CNR1: variants seen among roughly 807,000 people sequenced by gnomAD.
The protein encoded by CNR1 is cannabinoid receptor 1, also known as cannabinoid receptor 1 (brain).
CNR1 carries 10 observed loss-of-function variants against 23.0 expected under a neutral mutation model. That is an observed-to-expected ratio of 0.43 (90% CI 0.27 to 0.74). CNR1 has a LOEUF of 0.74. CNR1 is among the 30% of genes least tolerant of loss of function. The pLI, the probability that CNR1 is intolerant of heterozygous loss-of-function variation, is 0.19. For synonymous variants in CNR1, 271 were observed against 255.2 expected, an observed-to-expected ratio of 1.06 and a Z score of -0.59; for missense variants, 422 against 618.8, an observed-to-expected ratio of 0.68 and a Z score of 3.37.
chr6:88,165,214 C>A (rs1471051633), intron 1 of CNR1, among the ~76,000 whole-genome samples: 1 of 152,092 alleles, frequency 6.6e-6, no homozygotes, highest in South Asian at 2.1e-4. Context: ...GATTTGTAAG[C>A]CTTAACAAGA....
rs1046000210 is a variant in CNR1, at chr6:88,164,269, C to A, written c.-64+1534G>T. ...ACTTGATACATACCTCAGCCAAGAG[C>A]GCTCCTCGCCTGGAGTGGGAGACAT... On this transcript the variant is annotated intron_variant, in intron 1 of 1. Coordinates refer to ENST00000369501, the MANE Select transcript of CNR1 (RefSeq NM_016083.6). 9 of 152,364 alleles carry A rather than the reference C, an allele frequency of 5.9e-5. No individual in the cohort carries two copies. In the East Asian group the frequency reaches 1.5e-3, roughly 25 times the overall value. 9.4% of individuals were successfully genotyped at this position (152,364 alleles called of 1,614,324 possible). A position where few individuals can be genotyped will look rare whatever the true frequency, so the allele number is the denominator to read the frequency against.
At chr6:88,162,539 A>T (rs567440734) in intron 1 of CNR1, among the ~76,000 whole-genome samples, 1 of 152,352 alleles carries the variant, frequency 6.6e-6, no homozygotes, top group South Asian at 2.1e-4. Flanking sequence ...ATTCAGTGGC[A>T]AAAAGTTGAA....
chr6:88,157,723 C>G (rs540921727), intron 1 of CNR1, among the ~76,000 whole-genome samples: 1 of 152,258 alleles, frequency 6.6e-6, no homozygotes, highest in East Asian at 1.9e-4. Context: ...ATAACCAACT[C>G]ATTCTATTTT....
At chr6:88,159,949 A>T (rs575475463) in intron 1 of CNR1, among the ~76,000 whole-genome samples, 3 of 152,350 alleles carry the variant, frequency 2.0e-5, no homozygotes, top group Admixed American at 6.5e-5. Context: ...TTAAAAGCAA[A>T]CACAAGTGAC....
At chr6:88,155,033 C>T (rs962174633) in intron 1 of CNR1, among the ~76,000 whole-genome samples, 1 of 152,314 alleles carries the variant, frequency 6.6e-6, no homozygotes, top group Admixed American at 6.5e-5. Context: ...ATATATTATT[C>T]TGGTCCACAA....
chr6:88,142,603 A>G lies in CNR1; in HGVS notation c.*1253T>C, dbSNP rs1052791026. On this transcript the variant is annotated 3_prime_UTR_variant, in exon 2 of 2. Transcript: ENST00000369501. ...AGGAGGGATGGGGTGAAATTTTTGA[A>G]TGGTTGGAGTCAGTATTTTTATCAA... 1.3e-5 allele frequency: 2 copies of G among 152,378 alleles called. No homozygotes were observed. The highest frequency in any genetic ancestry group is 4.8e-5 in the African/African-American group (2 of 41,442). The allele number at this position is 152,378 out of a possible 1,614,324, so 9.4% of individuals were successfully genotyped here.
chr6:88,156,141 G>A (rs191894553), intron 1 of CNR1, among the ~76,000 whole-genome samples: 1 of 152,222 alleles, frequency 6.6e-6, no homozygotes, highest in Admixed American at 6.5e-5. Flanking sequence ...TTATATAAAC[G>A]TTGTACCATT....
chr6:88,153,952 C>T (rs534051804), intron 1 of CNR1, among the ~76,000 whole-genome samples: 1 of 152,338 alleles, frequency 6.6e-6, no homozygotes, highest in South Asian at 2.1e-4. Context: ...ACTTTTCCCT[C>T]ATCTTCTACA....
chr6:88,152,214 CAA>C lies in CNR1; in HGVS notation c.-63-6879_-63-6878del, dbSNP rs56141409. On this transcript the variant is annotated intron_variant, in intron 1 of 1. Transcript: ENST00000369501. ...TGGGCGACAGAGCGAGACTCCGTCT[CAA>C]AAAAAAAAAAAAAAAAAAAAGAAAT... is the stretch of plus-strand genomic sequence containing the variant. Among the ~76,000 whole-genome samples, 238 of 81,498 alleles carry C rather than the reference CAA, an allele frequency of 2.9e-3. 1 individual carries two copies. Among genetic ancestry groups the C allele is most frequent in the African/African-American group, 5.7e-3 (147 of 25,868 alleles). 53.5% of individuals were successfully genotyped at this position (81,498 alleles called of 152,430 possible).
chr6:88,144,666 G>A lies in CNR1; in HGVS notation c.609C>T (p.Ser203=), dbSNP rs976211578. 4.3e-6 allele frequency: 7 copies of A among 1,614,200 alleles called. No homozygotes were observed. Among genetic ancestry groups the A allele is most frequent in the African/African-American group, 4.0e-5 (3 of 75,070 alleles). The part of the protein sequence containing the change: ...LGGVTASFTA[S]VGSLFLTAID... ...TGGCTGTGAGGAACAGGCTGCCCACGGAGGCAGTGAAGGAGGCCGTGACCC... is the reference window on the plus strand; with the variant it reads ...TGGCTGTGAGGAACAGGCTGCCCACAGAGGCAGTGAAGGAGGCCGTGACCC... The change falls in exon 2 of 2, where the codon TCC becomes TCT. Residue 203 remains serine (S), a synonymous_variant. Coordinates refer to ENST00000369501, the MANE Select transcript of CNR1 (RefSeq NM_016083.6). This position sits in a 1 kb window ranked among gnomAD's most constrained non-coding sequence, Gnocchi z 7.8.
At chr6:88,160,900 C>T in intron 1 of CNR1, among the ~76,000 whole-genome samples, 1 of 152,100 alleles carries the variant, frequency 6.6e-6, no homozygotes, top group Non-Finnish European at 1.5e-5. Flanking sequence ...GAGGGGGACC[C>T]TCTCATTTAA....
chr6:88,162,335 A>G (rs1192201012), intron 1 of CNR1, among the ~76,000 whole-genome samples: 1 of 152,252 alleles, frequency 6.6e-6, no homozygotes, highest in Non-Finnish European at 1.5e-5. Flanking sequence ...ATACATGTAA[A>G]TAAAAGTGTG....
chr6:88,147,126 A>G (rs1039137082), intron 1 of CNR1, among the ~76,000 whole-genome samples: 1 of 152,180 alleles, frequency 6.6e-6, no homozygotes, highest in Non-Finnish European at 1.5e-5. Context: ...CCCCGTCTCT[A>G]CTAAAAATAA....
Position 88,143,797 on chromosome 6 carries a change from C to T in CNR1, c.*59G>A. 2 of 1,295,776 alleles carry T rather than the reference C, an allele frequency of 1.5e-6. No individual in the cohort carries two copies. The highest frequency in any genetic ancestry group is 2.2e-6 in the Non-Finnish European group (2 of 920,870). 80.3% of individuals were successfully genotyped at this position (1,295,776 alleles called of 1,614,324 possible). On this transcript the variant is annotated 3_prime_UTR_variant, in exon 2 of 2. Coordinates refer to ENST00000369501, the MANE Select transcript of CNR1 (RefSeq NM_016083.6). ...ATAACCAAGGAGACAATAGACTCTTCTAGATTTTGAGCTTAAAAAAAAAAA... is the reference window on the plus strand; with the variant it reads ...ATAACCAAGGAGACAATAGACTCTTTTAGATTTTGAGCTTAAAAAAAAAAA...
At chr6:88,164,460 G>T (rs1258554808) in intron 1 of CNR1, 1 of 152,340 alleles carries the variant, frequency 6.6e-6, no homozygotes, top group East Asian at 1.9e-4. Context: ...TTCTGGAGGT[G>T]CATGTCTTCT....
Position 88,140,872 on chromosome 6 carries a change from C to A in CNR1, c.*2984G>T, listed in dbSNP as rs1414879853. 1 of 152,278 alleles carries A rather than the reference C, an allele frequency of 6.6e-6. No individual in the cohort carries two copies. The highest frequency in any genetic ancestry group is 2.4e-5 in the African/African-American group (1 of 41,412). 9.4% of individuals were successfully genotyped at this position (152,278 alleles called of 1,614,324 possible). ...CTACAGCATCTCTCAGATTCATATCCTTTCACATATATTTCATACAAAATA... is the reference window on the plus strand; with the variant it reads ...CTACAGCATCTCTCAGATTCATATCATTTCACATATATTTCATACAAAATA... On this transcript the variant is annotated 3_prime_UTR_variant, in exon 2 of 2. Coordinates refer to ENST00000369501, the MANE Select transcript of CNR1 (RefSeq NM_016083.6).
chr6:88,143,636 T>A lies in CNR1; in HGVS notation c.*220A>T, dbSNP rs1433190049. ...AGACTTTGAAGGATCGTTCAGTCAC[T>A]TAAACAACAGGCTTTCTTCACTGTA... On this transcript the variant is annotated 3_prime_UTR_variant, in exon 2 of 2. Coordinates refer to ENST00000369501, the MANE Select transcript of CNR1 (RefSeq NM_016083.6). 9 of 509,124 alleles carry A rather than the reference T, an allele frequency of 1.8e-5. No individual in the cohort carries two copies. The allele number at this position is 509,124 out of a possible 1,614,324, so 31.5% of individuals were successfully genotyped here.
chr6:88,142,164 G>A lies in CNR1; in HGVS notation c.*1692C>T, dbSNP rs1037677022. On this transcript the variant is annotated 3_prime_UTR_variant, in exon 2 of 2. Coordinates refer to ENST00000369501, the MANE Select transcript of CNR1 (RefSeq NM_016083.6). ...CCCAAACCTACCAAGACAGAGCTGGGTGCTCAGCTGTCACCAAGGGCATGT... is the reference window on the plus strand; with the variant it reads ...CCCAAACCTACCAAGACAGAGCTGGATGCTCAGCTGTCACCAAGGGCATGT... The A allele has an allele frequency of 2.0e-5, 3 of 152,322 alleles. No homozygotes were observed. The highest frequency in any genetic ancestry group is 7.2e-5 in the African/African-American group (3 of 41,428). 9.4% of individuals were successfully genotyped at this position (152,322 alleles called of 1,614,324 possible).
intron 1 of CNR1, among the ~76,000 whole-genome samples, chr6:88,155,682 C>T (rs1777755325): frequency 6.6e-6 from 1 of 152,240 alleles, no homozygotes; most frequent in South Asian, 2.1e-4. Context: ...GACCAAAGCA[C>T]TTGCAAGTCA....
Sources: gnomAD v4.1 joint callset for allele counts (sites outside exome capture counted in the v4.1 genomes callset) on GRCh38, gnomAD v4.1.1 for gene constraint, Gnocchi (gnomAD v3.1) non-coding constraint, MANE v1.5 for transcripts, NCBI Gene and HGNC (gene_info 2026-07-23, HGNC 2026-07-21) for gene names.